The following HLTF variants were observed in gnomAD, a reference collection of about 807,000 sequenced individuals.
HLTF encodes DNA-dependent ATPase/E3 ubiquitin-protein ligase HLTF.
A neutral mutation model predicts 129.4 loss-of-function variants in HLTF; 127 were observed. The observed-to-expected ratio is 0.98, with a 90% CI of 0.85 to 1.14. The LOEUF is 1.14. Ranked by LOEUF, HLTF falls within the 50% of genes most tolerant of loss-of-function variation. The pLI is 0.00. For synonymous variants in HLTF, 332 were observed against 388.8 expected, an observed-to-expected ratio of 0.85 and a Z score of 1.72; for missense variants, 1,139 against 1,187.1, an observed-to-expected ratio of 0.96 and a Z score of 0.60.
At chr3:149,085,867 G>C (rs1720331505) in intron 1 of HLTF, among the ~76,000 whole-genome samples, 1 of 152,252 alleles carries the variant, frequency 6.6e-6, no homozygotes, top group South Asian at 2.1e-4. Flanking sequence ...GCTTATTTGC[G>C]ATGCGTTTTC....
intron 10 of HLTF, among the ~76,000 whole-genome samples, chr3:149,061,600 C>T (rs1045353181): frequency 6.6e-6 from 1 of 151,502 alleles, no homozygotes; most frequent in East Asian, 1.9e-4. Flanking sequence ...CTTTGGGAGG[C>T]GGAGGTGGGC....
At chr3:149,061,506 TA>T (rs1459751875) in intron 10 of HLTF, among the ~76,000 whole-genome samples, 17 of 152,134 alleles carry the variant, frequency 1.1e-4, no homozygotes, top group Non-Finnish European at 1.9e-4. Flanking sequence ...TAATATTTGG[TA>T]GTTCAATTAA....
intron 1 of HLTF, among the ~76,000 whole-genome samples, 184 bp downstream of exon 1, chr3:149,086,133 G>A (rs1197715775): frequency 1.3e-5 from 2 of 152,282 alleles, no homozygotes; most frequent in Non-Finnish European, 2.9e-5. Flanking sequence ...CTCGCCCTAG[G>A]AGCCCCTACT....
At chr3:149,065,579 C>A (rs773458440) in intron 8 of HLTF, among the ~76,000 whole-genome samples, 37 of 152,134 alleles carry the variant, frequency 2.4e-4, no homozygotes, top group Non-Finnish European at 4.6e-4. Flanking sequence ...TGGCTCATGC[C>A]AGCACTTTGG....
chr3:149,037,467 C>CAAA (rs71135657), intron 23 of HLTF, among the ~76,000 whole-genome samples: 13 of 99,596 alleles, frequency 1.3e-4, no homozygotes, highest in Non-Finnish European at 1.9e-4. Flanking sequence ...GACTCTGTCT[C>CAAA]AAAAAAAAAA....
intron 18 of HLTF, among the ~76,000 whole-genome samples, chr3:149,044,179 G>A (rs1363894021): frequency 4.6e-5 from 7 of 152,046 alleles, no homozygotes; most frequent in Non-Finnish European, 1.5e-5. Context: ...GACCTAATAG[G>A]ATTGCTGTGA....
Position 149,084,766 on chromosome 3 carries a change from A to T in HLTF, c.144T>A (p.Phe48Leu). 1 of 1,614,120 alleles carries T rather than the reference A, an allele frequency of 6.2e-7. No individual in the cohort carries two copies. Among genetic ancestry groups the T allele is most frequent in the South Asian group, 1.1e-5 (1 of 91,084 alleles). The change falls in exon 2 of 25, where the codon TTT (phenylalanine) becomes TTA (leucine). Residue 48 changes from phenylalanine (F) to leucine (L), a missense_variant. Physicochemically the swap from Phe to Leu is conservative, Grantham distance 22 (BLOSUM62 0). Transcript: ENST00000310053. ...AATCTACTTCTTCATCACTAGTTAG[A>T]AAGTCATCTGGAGGGATAACATCTT... is the stretch of plus-strand genomic sequence containing the variant. ...EFQDVIPPDD[F>L]LTSDEEVDSV...
At chr3:149,036,955 TG>T (rs1244804239) in intron 23 of HLTF, among the ~76,000 whole-genome samples, 1 of 152,202 alleles carries the variant, frequency 6.6e-6, no homozygotes, top group Non-Finnish European at 1.5e-5. Flanking sequence ...GTTTAGTCTC[TG>T]ATCAACTTTT....
intron 10 of HLTF, among the ~76,000 whole-genome samples, chr3:149,062,046 T>G (rs1717997445): frequency 6.6e-6 from 1 of 152,302 alleles, no homozygotes; most frequent in South Asian, 2.1e-4. Context: ...AAATCCTCAT[T>G]CCACCAGTAA....
At chr3:149,052,978 T>C (rs1717121977) in intron 14 of HLTF, among the ~76,000 whole-genome samples, 2 of 152,138 alleles carry the variant, frequency 1.3e-5, no homozygotes, top group Admixed American at 6.5e-5. Flanking sequence ...GAAAACGAAA[T>C]AGGTGTTATT....
rs1039458547 is a variant in HLTF, at chr3:149,059,819, A to G, written c.1286-12T>C. Reference sequence around the variant, plus strand: ...CTTAGAAGATCCTGCTGATAAAACAACAAAGAATCTTAAATTTTTTTCAAA... The same window carrying G: ...CTTAGAAGATCCTGCTGATAAAACAGCAAAGAATCTTAAATTTTTTTCAAA... On this transcript the variant is annotated splice_polypyrimidine_tract_variant and intron_variant, in intron 12 of 24. Transcript: ENST00000310053. 7.0e-6 allele frequency: 11 copies of G among 1,563,842 alleles called. No homozygotes were observed. The highest frequency in any genetic ancestry group is 9.6e-6 in the Non-Finnish European group (11 of 1,146,296).
intron 17 of HLTF, among the ~76,000 whole-genome samples, chr3:149,046,710 TAAATA>T (rs1716576838): frequency 6.6e-6 from 1 of 152,142 alleles, no homozygotes; most frequent in Non-Finnish European, 1.5e-5. Flanking sequence ...CAAAAGTATA[TAAATA>T]AGTAATTGTA....
At chr3:149,046,515 T>C (rs141520509) in intron 17 of HLTF, among the ~76,000 whole-genome samples, 299 of 152,278 alleles carry the variant, frequency 2.0e-3, no homozygotes, top group African/African-American at 7.0e-3. Flanking sequence ...CTGTCCTTAT[T>C]TTCGTAAGTT....
chr3:149,043,452 G>C (rs1490730212), intron 18 of HLTF, among the ~76,000 whole-genome samples: 1 of 148,892 alleles, frequency 6.7e-6, no homozygotes, highest in Non-Finnish European at 1.5e-5. Context: ...AGCTTTCCAG[G>C]AAAGAGAAGG....
At chr3:149,077,748 A>C (rs552212168) in intron 2 of HLTF, among the ~76,000 whole-genome samples, 2 of 152,032 alleles carry the variant, frequency 1.3e-5, no homozygotes, top group Non-Finnish European at 2.9e-5. Context: ...CCTTTGCCTG[A>C]ACTTGAGCAT....
At chr3:149,035,655 T>C (rs1715527766) in intron 23 of HLTF, among the ~76,000 whole-genome samples, 1 of 13,682 alleles carries the variant, frequency 7.3e-5, no homozygotes, top group African/African-American at 5.0e-4. Flanking sequence ...AGACTCCGTC[T>C]CAAAAAAAAA....
In HLTF at chr3:149,031,957, T is replaced by C. The variant is rs930449098; in HGVS notation, c.*263A>G. 2.2e-5 allele frequency: 5 copies of C among 232,510 alleles called. No homozygotes were observed. The highest frequency in any genetic ancestry group is 6.8e-5 in the African/African-American group (3 of 44,418). 14.4% of individuals were successfully genotyped at this position (232,510 alleles called of 1,614,324 possible). A position where few individuals can be genotyped will look rare whatever the true frequency, so the allele number is the denominator to read the frequency against. On this transcript the variant is annotated 3_prime_UTR_variant, in exon 25 of 25. Transcript: ENST00000310053. ...TACGTGAAAATACTCAGCATAGATATTATGAAAAGCTGAATAACAAAGTAA... is the reference window on the plus strand; with the variant it reads ...TACGTGAAAATACTCAGCATAGATACTATGAAAAGCTGAATAACAAAGTAA...
intron 13 of HLTF, among the ~76,000 whole-genome samples, chr3:149,057,145 G>A (rs1159311724): frequency 3.7e-4 from 54 of 146,260 alleles, no homozygotes; most frequent in Middle Eastern, 3.9e-3. Context: ...AATACAGAAT[G>A]GGCCAGGCAT....
chr3:149,067,186 G>GTA lies in HLTF; in HGVS notation c.990+1052_990+1053dup, dbSNP rs892816630. ...GTTTATATTATATACATATATATAT[G>GTA]TATATATATACACACACACACACAA... On this transcript the variant is annotated intron_variant, in intron 8 of 24. Transcript: ENST00000310053. Among the ~76,000 whole-genome samples, 30 of 150,426 alleles carry GTA rather than the reference G, an allele frequency of 2.0e-4. No homozygotes were observed. The East Asian group carries it at 3.7e-3, about 19-fold the overall frequency.
Sources: allele counts gnomAD v4.1 joint callset (sites outside exome capture counted in the v4.1 genomes callset), GRCh38; gene constraint gnomAD v4.1.1; transcripts MANE v1.5; gene names NCBI Gene and HGNC (gene_info 2026-07-23, HGNC 2026-07-21).